Variants in SUGCT observed in about 807,000 individuals in gnomAD.
SUGCT encodes the protein succinyl-CoA:glutarate CoA-transferase.
In SUGCT, 41 loss-of-function variants were observed where a neutral mutation model predicts 55.0. The observed-to-expected ratio is 0.74, with a 90% CI of 0.58 to 0.97. The LOEUF (loss-of-function observed/expected upper bound fraction) is 0.97, where lower values mean the gene tolerates loss of function less well. Ranked by LOEUF, SUGCT falls within the 50% of genes least tolerant of loss-of-function variation. SUGCT has a pLI of 0.00. For synonymous variants in SUGCT, 187 were observed against 200.4 expected, an observed-to-expected ratio of 0.93 and a Z score of 0.56; for missense variants, 568 against 547.8, an observed-to-expected ratio of 1.04 and a Z score of -0.37.
intron 12 of SUGCT, among the ~76,000 whole-genome samples, chr7:40,741,383 C>G (rs1457895787): frequency 6.6e-6 from 1 of 152,072 alleles, no homozygotes; most frequent in Non-Finnish European, 1.5e-5. Flanking sequence ...GGAAAATATA[C>G]TCAACCTGAT....
intron 12 of SUGCT, among the ~76,000 whole-genome samples, chr7:40,724,627 G>T (rs1297917514): frequency 1.3e-5 from 2 of 151,392 alleles, no homozygotes; most frequent in Non-Finnish European, 2.9e-5. Flanking sequence ...TCTAAGCACA[G>T]CTAGTGGTTT....
intron 13 of SUGCT, among the ~76,000 whole-genome samples, chr7:40,790,207 C>T (rs1486367643): frequency 1.3e-5 from 2 of 152,156 alleles, no homozygotes; most frequent in Non-Finnish European, 2.9e-5. Context: ...CAGTTACCCC[C>T]AGCTACTGTT....
At chr7:40,177,985 A>C (rs1785007336) in intron 1 of SUGCT, among the ~76,000 whole-genome samples, 1 of 152,158 alleles carries the variant, frequency 6.6e-6, no homozygotes, top group African/African-American at 2.4e-5. Flanking sequence ...TCCTGACCTT[A>C]AGTGATAGGT....
At chr7:40,410,714 C>A (rs938126996) in intron 9 of SUGCT, among the ~76,000 whole-genome samples, 1 of 152,112 alleles carries the variant, frequency 6.6e-6, no homozygotes, top group Admixed American at 6.6e-5. Context: ...TAAGTCCTTA[C>A]GTATCTGAAG....
intron 12 of SUGCT, among the ~76,000 whole-genome samples, chr7:40,504,952 A>T (rs1009234792): frequency 6.6e-6 from 1 of 152,290 alleles, no homozygotes; most frequent in South Asian, 2.1e-4. Flanking sequence ...TTGAAAACAT[A>T]CTTTGTGTGA....
At chr7:40,575,368 C>G (rs970554692) in intron 12 of SUGCT, among the ~76,000 whole-genome samples, 6 of 152,050 alleles carry the variant, frequency 3.9e-5, no homozygotes, top group Non-Finnish European at 8.8e-5. Flanking sequence ...AACTAACCAC[C>G]GAAAGATAGT....
chr7:40,209,913 T>C (rs1274839096), intron 6 of SUGCT, among the ~76,000 whole-genome samples: 1 of 152,182 alleles, frequency 6.6e-6, no homozygotes, highest in African/African-American at 2.4e-5. Context: ...CCCTACATAG[T>C]TCATCTAGAA....
chr7:40,679,117 G>A (rs1784130163), intron 12 of SUGCT, among the ~76,000 whole-genome samples: 1 of 152,148 alleles, frequency 6.6e-6, no homozygotes, highest in African/African-American at 2.4e-5. Context: ...ATATTCTTAT[G>A]CCTCATTCTC....
chr7:40,245,446 TTTTTTTTTTTTG>T (rs1293193131), intron 7 of SUGCT, among the ~76,000 whole-genome samples: 20 of 79,920 alleles, frequency 2.5e-4, no homozygotes, highest in African/African-American at 1.0e-3. Context: ...TTTTTTTTTT[TTTTTTTTTTTTG>T]AGATGGAGTC....
chr7:40,277,681 T>TTATTAG, intron 8 of SUGCT, among the ~76,000 whole-genome samples: 1 of 134,602 alleles, frequency 7.4e-6, no homozygotes, highest in East Asian at 2.0e-4. Context: ...CTTTTTGTTA[T>TTATTAG]TATTATTATT....
At chr7:40,870,944 T>C in the SUGCT span, among the ~76,000 whole-genome samples, 1 of 152,202 alleles carries the variant, frequency 6.6e-6, no homozygotes, top group Non-Finnish European at 1.5e-5. Context: ...AACACGCTCC[T>C]ACCTTTTTAA....
intron 7 of SUGCT, among the ~76,000 whole-genome samples, chr7:40,256,325 C>G (rs1006480712): frequency 6.6e-6 from 1 of 152,070 alleles, no homozygotes; most frequent in Non-Finnish European, 1.5e-5. Flanking sequence ...ATTGGTTTAG[C>G]CAATCTTAGT....
chr7:40,422,138 G>T (rs1054625399), intron 9 of SUGCT, among the ~76,000 whole-genome samples: 3 of 148,240 alleles, frequency 2.0e-5, no homozygotes, highest in South Asian at 2.1e-4. Context: ...GGATTTAAAG[G>T]CTTCTAAATC....
At chr7:40,216,170 C>T in intron 6 of SUGCT, among the ~76,000 whole-genome samples, 1 of 144,774 alleles carries the variant, frequency 6.9e-6, no homozygotes, top group Non-Finnish European at 1.5e-5. Context: ...GAATTTTCTT[C>T]ATTTTGTCTT....
intron 12 of SUGCT, among the ~76,000 whole-genome samples, chr7:40,667,823 T>A (rs1264790859): frequency 6.6e-6 from 1 of 152,134 alleles, no homozygotes; most frequent in Non-Finnish European, 1.5e-5. Flanking sequence ...TTGTGTTTAT[T>A]TGGATGTTTT....
At chr7:40,335,924 C>G (rs1297125581) in intron 9 of SUGCT, among the ~76,000 whole-genome samples, 1 of 152,146 alleles carries the variant, frequency 6.6e-6, no homozygotes, top group Non-Finnish European at 1.5e-5. Flanking sequence ...TACATCCCAT[C>G]AATACCTAAT....
At chr7:40,668,839 A>C (rs1801782334) in intron 12 of SUGCT, among the ~76,000 whole-genome samples, 1 of 152,124 alleles carries the variant, frequency 6.6e-6, no homozygotes, top group South Asian at 2.1e-4. Context: ...GCCAAACACC[A>C]CTGAAAAACT....
chr7:40,818,292 C>T (rs756333467), intron 13 of SUGCT, among the ~76,000 whole-genome samples: 13 of 152,172 alleles, frequency 8.5e-5, no homozygotes, highest in Non-Finnish European at 1.0e-4. Flanking sequence ...ATCTCTAGAC[C>T]AGCTCTTTCA....
chr7:40,217,077 T>G (rs1032279130), intron 6 of SUGCT, among the ~76,000 whole-genome samples: 2 of 152,108 alleles, frequency 1.3e-5, no homozygotes, highest in Non-Finnish European at 2.9e-5. Flanking sequence ...TAGCAAGAGT[T>G]TGCTGCACTG....
Sources: allele counts gnomAD v4.1 joint callset (sites outside exome capture counted in the v4.1 genomes callset), GRCh38; gene constraint gnomAD v4.1.1; transcripts MANE v1.5; gene names NCBI Gene and HGNC (gene_info 2026-07-23, HGNC 2026-07-21).